The following GALNTL6 variants were observed in gnomAD, a reference collection of about 807,000 sequenced individuals.
GALNTL6 encodes polypeptide N-acetylgalactosaminyltransferase like 6.
In GALNTL6, 46 loss-of-function variants were observed where a neutral mutation model predicts 73.7. The observed-to-expected ratio is 0.62, with a 90% CI of 0.49 to 0.80. GALNTL6 has a LOEUF of 0.80. Ranked by LOEUF, GALNTL6 falls within the 30% of genes least tolerant of loss-of-function variation. The pLI, the probability that GALNTL6 is intolerant of heterozygous loss-of-function variation, is 0.00. For missense variants in GALNTL6, 604 were observed against 755.0 expected (o/e 0.80, Z 2.34); for synonymous variants, 259 against 263.7 (o/e 0.98, Z 0.17).
At chr4:172,347,545 G>A (rs1578980327) in intron 4 of GALNTL6, among the ~76,000 whole-genome samples, 1 of 152,240 alleles carries the variant, frequency 6.6e-6, no homozygotes, top group East Asian at 1.9e-4. Flanking sequence ...GCATAATTAT[G>A]ACCAGGTATG....
At chr4:172,258,317 A>G (rs115587719) in intron 3 of GALNTL6, among the ~76,000 whole-genome samples, 2,584 of 151,224 alleles carry the variant, frequency 0.017, 31 homozygotes, top group Non-Finnish European at 0.027. Flanking sequence ...TGTTATTTTT[A>G]TAGGTTATTT....
rs55787801 is a variant in GALNTL6 at position 172,429,195 on chromosome 4, A to ATTTTATTTTATTTTAT, written c.553+80508_553+80509insTTATTTTATTTTATTT. On this transcript the variant is annotated intron_variant, in intron 5 of 12. Transcript: ENST00000506823. ...GTTTTATTATTTTATTTTATTTTAT[A>ATTTTATTTTATTTTAT]TTATTTTATTTTATTTTATTTTATT... Among the ~76,000 whole-genome samples, 163 of 133,784 alleles carry ATTTTATTTTATTTTAT rather than the reference A, an allele frequency of 1.2e-3. 1 individual carries two copies. The highest frequency in any genetic ancestry group is 1.8e-3 in the Non-Finnish European group (116 of 63,286). 87.8% of individuals were successfully genotyped at this position (133,784 alleles called of 152,430 possible). A position where few individuals can be genotyped will look rare whatever the true frequency, so the allele number is the denominator to read the frequency against.
intron 10 of GALNTL6, among the ~76,000 whole-genome samples, chr4:172,997,550 C>T (rs773676484): frequency 4.6e-5 from 7 of 152,052 alleles, no homozygotes; most frequent in Non-Finnish European, 8.8e-5. Context: ...ATGAATTTCT[C>T]TCTGTGTCTA....
chr4:171,885,204 G>A (rs1736575120), intron 2 of GALNTL6, among the ~76,000 whole-genome samples: 1 of 152,112 alleles, frequency 6.6e-6, no homozygotes, highest in South Asian at 2.1e-4. Flanking sequence ...GTAGCTCTTA[G>A]TCACTGTCTC....
Position 171,839,152 on chromosome 4 carries a change from G to T in GALNTL6, c.138+24434G>T, listed in dbSNP as rs1001149336. 2.0e-5 allele frequency among the ~76,000 whole-genome samples: 3 copies of T among 151,980 alleles called. No individual in the cohort carries two copies. The East Asian group carries it at 5.8e-4, about 29-fold the overall frequency. ...GATGTGAGGAGGCACAGGTAAAAAAGGCACAGGCTGACATTCATGCCATTA... is the reference window on the plus strand; with the variant it reads ...GATGTGAGGAGGCACAGGTAAAAAATGCACAGGCTGACATTCATGCCATTA... On this transcript the variant is annotated intron_variant, in intron 2 of 12. Coordinates refer to ENST00000506823, the MANE Select transcript of GALNTL6 (RefSeq NM_001034845.3).
rs554971954 is a variant in GALNTL6, at chr4:171,986,991, C to T, written c.138+172273C>T. Among the ~76,000 whole-genome samples, 706 of 151,738 alleles carry T rather than the reference C, an allele frequency of 4.7e-3. 4 individuals are homozygous for T. The highest frequency in any genetic ancestry group is 7.1e-3 in the Non-Finnish European group (480 of 67,698). ...CAGGGCATGTATGAGTAGTTGAGAA[C>T]GGTGAATAGGCGTATGACTAGACAG... On this transcript the variant is annotated intron_variant, in intron 2 of 12. Coordinates refer to ENST00000506823, the MANE Select transcript of GALNTL6 (RefSeq NM_001034845.3).
chr4:172,302,606 G>C (rs1350861637), intron 3 of GALNTL6, among the ~76,000 whole-genome samples: 1 of 152,012 alleles, frequency 6.6e-6, no homozygotes, highest in Admixed American at 6.6e-5. Flanking sequence ...CTCTTACCTG[G>C]CTTTGATATC....
intron 5 of GALNTL6, among the ~76,000 whole-genome samples, chr4:172,695,259 A>G (rs928128343): frequency 1.3e-5 from 2 of 152,220 alleles, no homozygotes; most frequent in Admixed American, 6.5e-5. Context: ...TGCTAAAAAC[A>G]TCCAGGAAAG....
intron 10 of GALNTL6, among the ~76,000 whole-genome samples, chr4:172,991,846 C>T (rs1190902307): frequency 6.6e-6 from 1 of 152,066 alleles, no homozygotes; most frequent in Non-Finnish European, 1.5e-5. Flanking sequence ...TTAAGAAAAT[C>T]TTGTTATTTT....
chr4:172,254,323 A>G (rs540933122), intron 3 of GALNTL6, among the ~76,000 whole-genome samples: 15 of 152,002 alleles, frequency 9.9e-5, no homozygotes, highest in East Asian at 3.9e-4. Context: ...AGTAGTGTAT[A>G]TGATAAATTA....
chr4:173,038,093 A>G (rs887935959), intron 12 of GALNTL6, among the ~76,000 whole-genome samples: 1 of 152,212 alleles, frequency 6.6e-6, no homozygotes, highest in African/African-American at 2.4e-5. Context: ...CAGATAGTGA[A>G]GAGGGGGCAA....
chr4:172,618,946 T>G (rs1174841086), intron 5 of GALNTL6, among the ~76,000 whole-genome samples: 2 of 151,992 alleles, frequency 1.3e-5, no homozygotes, highest in Non-Finnish European at 2.9e-5. Flanking sequence ...ATGGTCTGGA[T>G]CTCCTGACCT....
At chr4:172,320,350 C>T (rs1740715402) in intron 4 of GALNTL6, among the ~76,000 whole-genome samples, 1 of 152,082 alleles carries the variant, frequency 6.6e-6, no homozygotes, top group Admixed American at 6.6e-5. Context: ...TTGTCCCCAC[C>T]CTTATCTCCA....
At chr4:172,395,388 C>A (rs984326226) in intron 5 of GALNTL6, among the ~76,000 whole-genome samples, 2 of 152,078 alleles carry the variant, frequency 1.3e-5, no homozygotes, top group Non-Finnish European at 2.9e-5. Flanking sequence ...TAAATCTCTG[C>A]TTTTTGTATG....
intron 5 of GALNTL6, among the ~76,000 whole-genome samples, chr4:172,578,041 C>T (rs1387219985): frequency 6.6e-6 from 1 of 152,168 alleles, no homozygotes; most frequent in African/African-American, 2.4e-5. Context: ...AGTACCCTCA[C>T]ATGTAATATC....
chr4:172,984,807 C>A (rs1222867260), intron 10 of GALNTL6, among the ~76,000 whole-genome samples: 1 of 152,060 alleles, frequency 6.6e-6, no homozygotes, highest in Non-Finnish European at 1.5e-5. Context: ...TAATAAAATT[C>A]TTTCAAAAAC....
At chr4:172,662,730 G>C (rs980448588) in intron 5 of GALNTL6, among the ~76,000 whole-genome samples, 9 of 152,204 alleles carry the variant, frequency 5.9e-5, no homozygotes, top group Admixed American at 4.6e-4. Flanking sequence ...GATGAAATTA[G>C]CCAGACAAGA....
At chr4:171,903,783 G>A (rs1437243684) in intron 2 of GALNTL6, among the ~76,000 whole-genome samples, 5 of 152,104 alleles carry the variant, frequency 3.3e-5, no homozygotes, top group South Asian at 4.2e-4. Context: ...CTCCCAGCAC[G>A]CAGCTGGAGA....
chr4:172,781,522 G>A (rs923342239), intron 5 of GALNTL6, among the ~76,000 whole-genome samples: 5 of 151,988 alleles, frequency 3.3e-5, no homozygotes, highest in Admixed American at 2.6e-4. Flanking sequence ...CCATATTGAT[G>A]GGTTGACATG....
Sources: allele counts gnomAD v4.1 joint callset (sites outside exome capture counted in the v4.1 genomes callset), GRCh38; gene constraint gnomAD v4.1.1; transcripts MANE v1.5; gene names NCBI Gene and HGNC (gene_info 2026-07-23, HGNC 2026-07-21).